Variants in PLEKHA2 observed in about 807,000 individuals in gnomAD.
PLEKHA2 encodes the protein pleckstrin homology domain-containing family A member 2.
Under a neutral mutation model 53.2 loss-of-function variants are expected in PLEKHA2, and 28 were observed. The observed-to-expected ratio is 0.53, with a 90% confidence interval of 0.39 to 0.72. The LOEUF (loss-of-function observed/expected upper bound fraction) is 0.72, where lower values mean the gene tolerates loss of function less well. PLEKHA2 is among the 30% of genes least tolerant of loss of function. PLEKHA2 has a pLI of 0.00. For synonymous variants in PLEKHA2, 193 were observed against 196.4 expected (o/e 0.98, Z 0.14); for missense variants, 426 against 537.9 (o/e 0.79, Z 2.06).
intron 1 of PLEKHA2, among the ~76,000 whole-genome samples, chr8:38,912,994 C>T (rs1167956865): frequency 2.0e-5 from 3 of 152,184 alleles, no homozygotes; most frequent in African/African-American, 4.8e-5. Flanking sequence ...CCTCTCCCAC[C>T]GTGAGGCCCC....
Position 38,969,913 on chromosome 8 carries a change from T to A in PLEKHA2, c.*130T>A. The A allele has an allele frequency of 7.5e-7, 1 of 1,333,906 alleles. No individual in the cohort carries two copies. Among genetic ancestry groups the A allele is most frequent in the South Asian group, 1.4e-5 (1 of 71,014 alleles). 82.6% of individuals were successfully genotyped at this position (1,333,906 alleles called of 1,614,324 possible). ...TCACTCATATTCCTGTGGATGCTCT[T>A]TGGGAGGGAGGGGCCCATCCAGCTG... On this transcript the variant is annotated 3_prime_UTR_variant, in exon 12 of 12. Transcript: ENST00000617275.
rs1835292654 is a variant in PLEKHA2, at chr8:38,973,622, T to A, written c.*3839T>A. The A allele has an allele frequency of 6.7e-6, 1 of 150,050 alleles. No homozygotes were observed. Among genetic ancestry groups the A allele is most frequent in the Non-Finnish European group, 1.5e-5 (1 of 67,754 alleles). The allele number at this position is 150,050 out of a possible 1,614,324, so 9.3% of individuals were successfully genotyped here. A position where few individuals can be genotyped will look rare whatever the true frequency, so the allele number is the denominator to read the frequency against. On this transcript the variant is annotated 3_prime_UTR_variant, in exon 12 of 12. Transcript: ENST00000617275. The stretch of plus-strand genomic sequence containing the variant: ...TTTGTTCCTTTTCCTCTCTGTGTTA[T>A]TGCCTGCGGCAGCCAGTCCTTCATA...
intron 1 of PLEKHA2, among the ~76,000 whole-genome samples, chr8:38,905,749 A>G (rs1319661965): frequency 1.4e-5 from 2 of 139,130 alleles, no homozygotes; most frequent in Non-Finnish European, 3.0e-5. Context: ...CAGTGGCGCT[A>G]TCTCGGCTCA....
chr8:38,958,837 T>A (rs944681079), intron 10 of PLEKHA2, among the ~76,000 whole-genome samples: 6 of 151,910 alleles, frequency 3.9e-5, no homozygotes, highest in African/African-American at 1.2e-4. Flanking sequence ...ACAGAACAGA[T>A]CCCGAACCCA....
intron 5 of PLEKHA2, among the ~76,000 whole-genome samples, chr8:38,948,958 C>T (rs1834771341): frequency 6.6e-6 from 1 of 152,098 alleles, no homozygotes. Flanking sequence ...GCAACCTCTG[C>T]CTTCTGGGTT....
intron 4 of PLEKHA2, among the ~76,000 whole-genome samples, chr8:38,945,223 G>A (rs1044451043): frequency 1.6e-4 from 25 of 152,220 alleles, no homozygotes; most frequent in African/African-American, 6.0e-4. Context: ...CCTATCTGGG[G>A]TGGTTCTGAA....
chr8:38,938,363 A>C (rs553119182), intron 3 of PLEKHA2, among the ~76,000 whole-genome samples: 16 of 152,264 alleles, frequency 1.1e-4, no homozygotes, highest in African/African-American at 3.9e-4. Flanking sequence ...GGTGGCTGCT[A>C]TTCCCCTGAT....
chr8:38,968,814 C>G (rs1835187484), intron 11 of PLEKHA2, 145 bp downstream of exon 11: 2 of 714,196 alleles, frequency 2.8e-6, no homozygotes, highest in Non-Finnish European at 4.6e-6. Context: ...TTTTCTCATT[C>G]TACTAATTTG....
intron 3 of PLEKHA2, 31 bp downstream of exon 3, chr8:38,936,081 T>C (rs1834489793): frequency 1.2e-6 from 2 of 1,606,112 alleles, no homozygotes; most frequent in Non-Finnish European, 1.7e-6. Context: ...TGGGAATTCA[T>C]GCTCTGTAAG....
At chr8:38,906,455 C>T (rs977728442) in intron 1 of PLEKHA2, among the ~76,000 whole-genome samples, 4 of 152,110 alleles carry the variant, frequency 2.6e-5, no homozygotes, top group African/African-American at 9.7e-5. Flanking sequence ...GTATCTCTTG[C>T]TCTCTACTCC....
rs1204145542 is a variant in PLEKHA2 at position 38,970,555 on chromosome 8, G to C, written c.*772G>C. ...CTCACGCCTGTAATGCCAGTAGTTTGGGAGGCTGAGGCGGGTGGATCACCT... is the reference window on the plus strand; with the variant it reads ...CTCACGCCTGTAATGCCAGTAGTTTCGGAGGCTGAGGCGGGTGGATCACCT... On this transcript the variant is annotated 3_prime_UTR_variant, in exon 12 of 12. Transcript: ENST00000617275. 5.8e-6 allele frequency: 1 copy of C among 171,636 alleles called. No individual in the cohort carries two copies. The highest frequency in any genetic ancestry group is 2.4e-5 in the African/African-American group (1 of 41,626). The allele number at this position is 171,636 out of a possible 1,614,324, so 10.6% of individuals were successfully genotyped here.
intron 1 of PLEKHA2, among the ~76,000 whole-genome samples, chr8:38,911,617 C>T (rs1216425603): frequency 6.6e-6 from 1 of 152,142 alleles, no homozygotes; most frequent in Non-Finnish European, 1.5e-5. Context: ...CCTGGGAACT[C>T]TTGAGATAAA....
At chr8:38,959,926 A>C (rs980023828) in intron 10 of PLEKHA2, among the ~76,000 whole-genome samples, 1 of 152,180 alleles carries the variant, frequency 6.6e-6, no homozygotes, top group African/African-American at 2.4e-5. Context: ...CCTGCTGGAC[A>C]TCCAAGGAGA....
chr8:38,918,542 T>A (rs62643676), intron 2 of PLEKHA2, among the ~76,000 whole-genome samples: 245 of 17,092 alleles, frequency 0.014, 6 homozygotes, highest in East Asian at 0.021. Context: ...ACACCCCATA[T>A]ACACACACCA....
chr8:38,947,404 C>A (rs367952596), intron 5 of PLEKHA2, among the ~76,000 whole-genome samples: 7 of 152,098 alleles, frequency 4.6e-5, no homozygotes, highest in South Asian at 4.2e-4. Flanking sequence ...GAGCCGAGAT[C>A]GTGCCATTGC....
intron 1 of PLEKHA2, among the ~76,000 whole-genome samples, chr8:38,913,541 G>A (rs535390282): frequency 2.6e-5 from 4 of 152,164 alleles, no homozygotes; most frequent in African/African-American, 4.8e-5. Context: ...CAAGAGTAGC[G>A]ATAGTCCTTG....
chr8:38,914,908 C>CTTTCTTCTTTCTTCCTTCTTCTCCTT, intron 1 of PLEKHA2, among the ~76,000 whole-genome samples: 1 of 151,732 alleles, frequency 6.6e-6, no homozygotes, highest in African/African-American at 2.4e-5. Context: ...CGGGCTGGGA[C>CTTTCTTCTTTCTTCCTTCTTCTCCTT]TTTCTTCTTT....
In PLEKHA2 at chr8:38,931,781, A is replaced by G. The variant is rs563389877; in HGVS notation, c.142-4213A>G. ...TCGTGTGCTTCCGTCCAGTAGGAAG[A>G]GACCTAAACTCTCAGAAAAACATAC... On this transcript the variant is annotated intron_variant, in intron 2 of 11. Transcript: ENST00000617275. Among the ~76,000 whole-genome samples the G allele has an allele frequency of 1.2e-4, 18 of 152,338 alleles. No individual in the cohort carries two copies. In the East Asian group the frequency reaches 3.1e-3, roughly 26 times the overall value.
At chr8:38,967,941 A>G (rs553683901) in intron 10 of PLEKHA2, among the ~76,000 whole-genome samples, 1 of 152,180 alleles carries the variant, frequency 6.6e-6, no homozygotes, top group Non-Finnish European at 1.5e-5. Flanking sequence ...GATTACAGGC[A>G]TGAGCCACCA....
Sources: gnomAD v4.1 joint callset for allele counts (sites outside exome capture counted in the v4.1 genomes callset) on GRCh38, gnomAD v4.1.1 for gene constraint, MANE v1.5 for transcripts, NCBI Gene and HGNC (gene_info 2026-07-23, HGNC 2026-07-21) for gene names.